ZNF26: variants seen among roughly 807,000 people sequenced by gnomAD.
ZNF26 encodes epididymis luminal protein 179.
A neutral mutation model predicts 54.9 loss-of-function variants in ZNF26; 32 were observed. The ratio of observed to expected loss-of-function variants is 0.58; its 90% CI spans 0.44 to 0.78. The LOEUF (loss-of-function observed/expected upper bound fraction) is 0.78. ZNF26 is among the 30% of genes least tolerant of loss of function. The pLI is 0.00. For synonymous variants in ZNF26, 221 were observed against 209.2 expected (o/e 1.06, Z -0.49); for missense variants, 524 against 634.0 (o/e 0.83, Z 1.86).
intron 3 of ZNF26, among the ~76,000 whole-genome samples, chr12:133,008,986 AC>A (rs1458638021): frequency 3.3e-5 from 5 of 151,948 alleles, no homozygotes; most frequent in African/African-American, 4.8e-5. Flanking sequence ...GGAATGTGCC[AC>A]ATACTATCAA....
rs1244763340 is a variant in ZNF26 at position 133,011,143 on chromosome 12, G to A, written c.1264G>A (p.Gly422Arg). The A allele has an allele frequency of 3.1e-6, 5 of 1,614,122 alleles. No homozygotes were observed. Among genetic ancestry groups the A allele is most frequent in the African/African-American group, 1.3e-5 (1 of 75,028 alleles). Residue 422 changes from glycine to arginine, a missense_variant, in exon 4 of 4, where the codon GGA (glycine) becomes AGA (arginine). Physicochemically the swap from Gly to Arg is moderately radical, Grantham distance 125 (BLOSUM62 -2). Coordinates refer to ENST00000328654, the MANE Select transcript of ZNF26 (RefSeq NM_019591.4). ...YLVIHRRTHT[G>R]ERPYECSLCE... ...TGTTATACATAGGAGAACACACACC[G>A]GAGAGAGACCCTATGAATGTAGTTT...
rs1953460042 is a variant in ZNF26, at chr12:133,011,009, A to G, written c.1130A>G (p.Lys377Arg). The part of the protein sequence containing the change: ...NNPYQCGECG[K>R]AFGRKEQLTA... ...CCTTATCAATGCGGTGAATGTGGGA[A>G]AGCCTTTGGTAGGAAGGAACAGCTC... Residue 377 changes from lysine (K) to arginine (R), a missense_variant, in exon 4 of 4, where the codon AAA becomes AGA. Lys to Arg is a conservative substitution (Grantham distance 26). Transcript: ENST00000328654. The G allele has an allele frequency of 6.2e-7, 1 of 1,614,076 alleles. No homozygotes were observed. The highest frequency in any genetic ancestry group is 1.7e-5 in the Admixed American group (1 of 59,998).
rs1953445585 is a variant in ZNF26, at chr12:133,010,453, C to T, written c.574C>T (p.His192Tyr). ...AFRCKSQLIVHLRIHTGERPY... is the reference protein window; with the variant it reads ...AFRCKSQLIVYLRIHTGERPY... ...TCGTTGTAAGTCACAGCTCATTGTA[C>T]ATCTCAGAATTCATACAGGAGAGAG... Residue 192 changes from histidine (H) to tyrosine (Y), a missense_variant, in exon 4 of 4, where the codon CAT becomes TAT. Transcript: ENST00000328654. The T allele has an allele frequency of 1.9e-6, 3 of 1,614,100 alleles. No individual in the cohort carries two copies. Among genetic ancestry groups the T allele is most frequent in the Non-Finnish European group, 2.5e-6 (3 of 1,180,012 alleles).
At position 132,986,769 on chromosome 12, in the gene ZNF26, C is replaced by T. The variant is rs1027760137; in HGVS notation, c.-72C>T. On this transcript the variant is annotated 5_prime_UTR_variant, in exon 1 of 4. It adds an upstream start codon to the 5' untranslated region. Transcript: ENST00000328654. ...GGTCCCGCACCTGTCTTCGGGCGGA[C>T]GCATCCCTCACGGTCTCTCCGCAGC... 4 of 1,516,560 alleles carry T rather than the reference C, an allele frequency of 2.6e-6. No homozygotes were observed. Among genetic ancestry groups the T allele is most frequent in the Non-Finnish European group, 3.6e-6 (4 of 1,116,880 alleles). 93.9% of individuals were successfully genotyped at this position (1,516,560 alleles called of 1,614,324 possible).
chr12:133,010,120 GT>G lies in ZNF26; in HGVS notation c.257-13del. 1.5e-5 allele frequency: 24 copies of G among 1,574,500 alleles called. No individual in the cohort carries two copies. The highest frequency in any genetic ancestry group is 1.4e-5 in the Non-Finnish European group (16 of 1,166,454). ...GTTATGATTCAAAAAGTTATATTTT[GT>G]TTGTTTTTTTGTAGATGGCTGGGAA... On this transcript the variant is annotated splice_polypyrimidine_tract_variant and intron_variant, in intron 3 of 3. Transcript: ENST00000328654.
rs961741046 is a variant in ZNF26, at chr12:133,014,659, C to T, written c.*3178C>T. The T allele has an allele frequency of 3.3e-5, 5 of 151,990 alleles. No individual in the cohort carries two copies. Among genetic ancestry groups the T allele is most frequent in the African/African-American group, 1.2e-4 (5 of 41,278 alleles). 9.4% of individuals were successfully genotyped at this position (151,990 alleles called of 1,614,324 possible). A position where few individuals can be genotyped will look rare whatever the true frequency, so the allele number is the denominator to read the frequency against. Reference sequence around the variant, plus strand: ...CTCCTGGGTTCAAGCGATTCTCCTGCCTCAGCCTCCATAGTAGCTGGGATT... The same window carrying T: ...CTCCTGGGTTCAAGCGATTCTCCTGTCTCAGCCTCCATAGTAGCTGGGATT... On this transcript the variant is annotated 3_prime_UTR_variant, in exon 4 of 4. Transcript: ENST00000328654.
intron 1 of ZNF26, among the ~76,000 whole-genome samples, chr12:133,003,252 CT>C (rs1479161774): frequency 1.2e-4 from 17 of 143,478 alleles, no homozygotes; most frequent in African/African-American, 4.0e-4. Context: ...ATGTAGTTCC[CT>C]TTTCTTTTTT....
rs1953591898 is a variant in ZNF26 at position 133,018,035 on chromosome 12, T to C, written c.*6554T>C. On this transcript the variant is annotated 3_prime_UTR_variant, in exon 4 of 4. Transcript: ENST00000328654. Reference sequence around the variant, plus strand: ...ATAACAGCAACAAAAAAAGCAATTATATAAAACAATATGCAGTACTGTTTG... The same window carrying C: ...ATAACAGCAACAAAAAAAGCAATTACATAAAACAATATGCAGTACTGTTTG... 2 of 152,152 alleles carry C rather than the reference T, an allele frequency of 1.3e-5. No individual in the cohort carries two copies. Among genetic ancestry groups the C allele is most frequent in the African/African-American group, 4.8e-5 (2 of 41,418 alleles). 9.4% of individuals were successfully genotyped at this position (152,152 alleles called of 1,614,324 possible).
chr12:132,992,574 A>G (rs977597598), intron 1 of ZNF26, among the ~76,000 whole-genome samples: 5 of 152,194 alleles, frequency 3.3e-5, no homozygotes, highest in Admixed American at 1.3e-4. Context: ...TGACTTGATG[A>G]TGTGGTTACA....
chr12:132,988,408 AAT>A (rs1952874047), intron 1 of ZNF26, among the ~76,000 whole-genome samples: 2 of 150,026 alleles, frequency 1.3e-5, no homozygotes, highest in Non-Finnish European at 1.5e-5. Context: ...GCTAATTAAA[AAT>A]TTTTTTTTTT....
intron 1 of ZNF26, among the ~76,000 whole-genome samples, chr12:132,993,111 A>G (rs966277502): frequency 2.1e-5 from 3 of 144,104 alleles, no homozygotes; most frequent in Non-Finnish European, 4.5e-5. Context: ...TGCAGCCTCT[A>G]CCTCTCAGGT....
At chr12:132,986,968 C>G (rs1310367736) in intron 1 of ZNF26, 95 bp downstream of exon 1, 5 of 1,378,024 alleles carry the variant, frequency 3.6e-6, no homozygotes, top group African/African-American at 1.4e-5. Flanking sequence ...AACTCACATT[C>G]AGCTGTAATT....
At position 133,002,065 on chromosome 12, in the gene ZNF26, C is replaced by T. The variant is rs1227340252; in HGVS notation, c.34-4977C>T. On this transcript the variant is annotated intron_variant, in intron 1 of 3. Coordinates refer to ENST00000328654, the MANE Select transcript of ZNF26 (RefSeq NM_019591.4). ...CAAGGTCACTTTTCTCCTTCAGTGA[C>T]TCACTTCTGTGGACTGTTTTCTGGT... is the stretch of plus-strand genomic sequence containing the variant. Among the ~76,000 whole-genome samples the T allele has an allele frequency of 2.0e-5, 3 of 152,248 alleles. No homozygotes were observed. The East Asian group carries it at 5.8e-4, about 30-fold the overall frequency.
intron 3 of ZNF26, among the ~76,000 whole-genome samples, chr12:133,008,986 A>G (rs1321036611): frequency 6.6e-6 from 1 of 151,948 alleles, no homozygotes; most frequent in East Asian, 2.0e-4. Flanking sequence ...GGAATGTGCC[A>G]CATACTATCA....
Position 133,010,270 on chromosome 12 carries a change from C to A in ZNF26, c.391C>A (p.Arg131Ser). The change falls in exon 4 of 4, where the codon CGT becomes AGT. Residue 131 changes from arginine (R) to serine (S), a missense_variant. By Grantham distance (110) the Arg-to-Ser change is moderately radical. Transcript: ENST00000328654. ...TTCAAGACAGAGACTCTATAACACA[C>A]GTGGAAAAAGTTTGACACAAAACTC... ...DSSRQRLYNT[R>S]GKSLTQNSAP... 6.2e-7 allele frequency: 1 copy of A among 1,613,838 alleles called. No homozygotes were observed. The highest frequency in any genetic ancestry group is 8.5e-7 in the Non-Finnish European group (1 of 1,179,980).
Position 133,010,890 on chromosome 12 carries a change from A to G in ZNF26, c.1011A>G (p.Thr337=). The change falls in exon 4 of 4, where the codon ACA becomes ACG. Residue 337 remains threonine (T), a synonymous_variant. Transcript: ENST00000328654. ...TCCTTGTTCACATCCGAATGCATAC[A>G]GGAGAAAAACCCTATCAATGCAGTG... ...SYLLVHIRMH[T]GEKPYQCSDC... The G allele has an allele frequency of 1.2e-6, 2 of 1,614,052 alleles. No homozygotes were observed. The highest frequency in any genetic ancestry group is 1.7e-6 in the Non-Finnish European group (2 of 1,180,022).
At position 133,001,908 on chromosome 12, in the gene ZNF26, C is replaced by G. The variant is rs1353827932; in HGVS notation, c.34-5134C>G. Among the ~76,000 whole-genome samples, 2 of 152,070 alleles carry G rather than the reference C, an allele frequency of 1.3e-5. No homozygotes were observed. The highest frequency in any genetic ancestry group is 2.9e-5 in the Non-Finnish European group (2 of 68,034). On this transcript the variant is annotated intron_variant, in intron 1 of 3. Transcript: ENST00000328654. The surrounding 1 kb of genome is among the most constrained non-coding windows in gnomAD (Gnocchi z 4.7). The stretch of plus-strand genomic sequence containing the variant: ...CATGTCAGTTCCTTCTGAAAATTAC[C>G]CAGATTTAGCCTGGTCGGCTGTTGC...
Position 133,010,342 on chromosome 12 carries a change from G to A in ZNF26, c.463G>A (p.Gly155Ser), listed in dbSNP as rs1838023130. ...AAGAAAGAATCCTGATAAGTTTCAT[G>A]GTTATGAAGAACCATATTTTCTTAA... ...YLRKNPDKFH[G>S]YEEPYFLKHQ... is the part of the protein sequence containing the mutation. The change falls in exon 4 of 4, where the codon GGT becomes AGT. Residue 155 changes from glycine (G) to serine (S), a missense_variant. Transcript: ENST00000328654. The A allele has an allele frequency of 3.1e-6, 5 of 1,613,772 alleles. No individual in the cohort carries two copies. Among genetic ancestry groups the A allele is most frequent in the Non-Finnish European group, 4.2e-6 (5 of 1,179,964 alleles).
intron 3 of ZNF26, among the ~76,000 whole-genome samples, chr12:133,009,368 G>A (rs796620086): frequency 0.016 from 2,449 of 152,190 alleles, 65 homozygotes; most frequent in African/African-American, 0.055. Context: ...CAAGGCGGGC[G>A]GATCGCTTGA....
Sources: gnomAD v4.1 joint callset for allele counts (sites outside exome capture counted in the v4.1 genomes callset) on GRCh38, gnomAD v4.1.1 for gene constraint, Gnocchi (gnomAD v3.1) non-coding constraint, MANE v1.5 for transcripts, NCBI Gene and HGNC (gene_info 2026-07-23, HGNC 2026-07-21) for gene names.